Variants in PPA2 observed in about 807,000 individuals in gnomAD.
PPA2 encodes inorganic pyrophosphatase 2, also known as inorganic pyrophosphatase 2, mitochondrial.
PPA2 carries 48 observed loss-of-function variants against 49.5 expected under a neutral mutation model. The observed-to-expected ratio is 0.97, with a 90% CI of 0.77 to 1.23. The LOEUF is 1.23. Among genes scored for constraint, PPA2 ranks in the 50% most tolerant of loss-of-function variants. The pLI, the probability that PPA2 is intolerant of heterozygous loss-of-function variation, is 0.00. For synonymous variants in PPA2, 131 were observed against 139.9 expected (o/e 0.94, Z 0.45); for missense variants, 429 against 410.1 (o/e 1.05, Z -0.40).
intron 1 of PPA2, among the ~76,000 whole-genome samples, chr4:105,472,333 T>C (rs1723556448): frequency 6.6e-6 from 1 of 152,222 alleles, no homozygotes; most frequent in Non-Finnish European, 1.5e-5. Context: ...AAGCCTGTTT[T>C]TGCTCAACCA....
At chr4:105,435,028 A>G (rs1010048474) in intron 6 of PPA2, among the ~76,000 whole-genome samples, 5 of 152,198 alleles carry the variant, frequency 3.3e-5, no homozygotes, top group African/African-American at 1.2e-4. Context: ...ACAATACAAA[A>G]TCCCTCAAGG....
intron 10 of PPA2, among the ~76,000 whole-genome samples, chr4:105,377,350 C>G (rs75140476): frequency 0.018 from 2,702 of 152,210 alleles, 52 homozygotes; most frequent in African/African-American, 0.055. Context: ...ATCTGCTGGA[C>G]ATTTTTACCT....
intron 10 of PPA2, among the ~76,000 whole-genome samples, chr4:105,378,267 G>C (rs1444196937): frequency 2.6e-5 from 4 of 152,080 alleles, no homozygotes; most frequent in East Asian, 3.8e-4. Flanking sequence ...ATGTACTGTG[G>C]TTTTAAATCT....
intron 6 of PPA2, among the ~76,000 whole-genome samples, chr4:105,432,546 G>A (rs1432187135): frequency 6.6e-6 from 1 of 152,104 alleles, no homozygotes; most frequent in Non-Finnish European, 1.5e-5. Context: ...AATATAAATA[G>A]GATGGATATA....
At chr4:105,462,862 C>T (rs73268658) in intron 1 of PPA2, among the ~76,000 whole-genome samples, 45 of 152,306 alleles carry the variant, frequency 3.0e-4, no homozygotes, top group Middle Eastern at 3.4e-3. Context: ...CCATATGAGA[C>T]GTGCCTTTCA....
intron 4 of PPA2, chr4:105,447,993 G>A (rs12108480): frequency 0.019 from 5,460 of 288,482 alleles, 293 homozygotes; most frequent in African/African-American, 0.11. Context: ...TGATCTGCCC[G>A]CCTTGGTTTC....
At chr4:105,398,843 A>G (rs1734246843) in intron 8 of PPA2, 194 bp downstream of exon 8, 1 of 461,316 alleles carries the variant, frequency 2.2e-6, no homozygotes, top group East Asian at 4.0e-5. Context: ...TATATTTTTC[A>G]GCCTTGTTGA....
chr4:105,466,239 T>C (rs2110330853), intron 1 of PPA2, among the ~76,000 whole-genome samples: 1 of 152,206 alleles, frequency 6.6e-6, no homozygotes, highest in South Asian at 2.1e-4. Flanking sequence ...AAATTCAAGT[T>C]TCTTGTTTTT....
Position 105,399,049 on chromosome 4 carries a change from T to G in PPA2, c.771A>C (p.Glu257Asp), listed in dbSNP as rs1251721596. ...TTCTCATCTTCACCTTGTTTTTGAA[T>G]TCTCCATTAAAAGCAAACTGGTTTT... Reference protein sequence around the residue: ...KPENQFAFNGEFKNKAFALEV... With the variant: ...KPENQFAFNGDFKNKAFALEV... Residue 257 changes from glutamate to aspartate, a missense_variant, in exon 8 of 12, where the codon GAA (glutamate) becomes GAC (aspartate). By Grantham distance (45) the Glu-to-Asp change is conservative. Coordinates refer to ENST00000341695, the MANE Select transcript of PPA2 (RefSeq NM_176869.3). 6.2e-7 allele frequency: 1 copy of G among 1,609,156 alleles called. No individual in the cohort carries two copies. Among genetic ancestry groups the G allele is most frequent in the Non-Finnish European group, 8.5e-7 (1 of 1,178,818 alleles).
intron 3 of PPA2, 21 bp downstream of exon 3, chr4:105,453,577 A>G: frequency 6.4e-7 from 1 of 1,556,068 alleles, no homozygotes; most frequent in Non-Finnish European, 8.7e-7. Flanking sequence ...GATTCACAAA[A>G]ATAAAAACCT....
intron 1 of PPA2, among the ~76,000 whole-genome samples, chr4:105,465,437 T>C (rs1247476643): frequency 6.6e-6 from 1 of 152,176 alleles, no homozygotes; most frequent in East Asian, 1.9e-4. Context: ...CTGGATGCTT[T>C]CCGGGCATCC....
At chr4:105,386,697 A>AC (rs1172464258) in intron 9 of PPA2, 61 bp from the exon 10 acceptor site, 46 of 1,387,058 alleles carry the variant, frequency 3.3e-5, no homozygotes, top group Non-Finnish European at 5.1e-6. Context: ...TACCAAAAAA[A>AC]CCCCAAAAAC....
intron 6 of PPA2, among the ~76,000 whole-genome samples, chr4:105,436,354 A>G (rs572207580): frequency 6.6e-6 from 1 of 152,150 alleles, no homozygotes; most frequent in Non-Finnish European, 1.5e-5. Flanking sequence ...ATGCTCATGG[A>G]TTGGAAGAAT....
intron 1 of PPA2, chr4:105,473,648 C>G (rs762711185): frequency 1.3e-6 from 1 of 746,164 alleles, no homozygotes; most frequent in Admixed American, 1.8e-5. Context: ...TATCTACCCC[C>G]CAGCCGGCAG....
intron 7 of PPA2, among the ~76,000 whole-genome samples, chr4:105,413,397 A>T (rs963344826): frequency 6.6e-6 from 1 of 152,192 alleles, no homozygotes; most frequent in Non-Finnish European, 1.5e-5. Flanking sequence ...GCAGCAAACC[A>T]GCATGGCACA....
intron 6 of PPA2, among the ~76,000 whole-genome samples, chr4:105,428,953 C>A (rs916077529): frequency 2.0e-5 from 3 of 152,036 alleles, no homozygotes; most frequent in Non-Finnish European, 4.4e-5. Context: ...ATATAAATAC[C>A]TTGTGGTTTA....
chr4:105,431,790 A>C (rs964376333), intron 6 of PPA2, among the ~76,000 whole-genome samples: 1 of 152,244 alleles, frequency 6.6e-6, no homozygotes, highest in Admixed American at 6.5e-5. Flanking sequence ...AACATGGATG[A>C]ATCTCAAAAG....
intron 1 of PPA2, among the ~76,000 whole-genome samples, chr4:105,459,898 T>C (rs1211382855): frequency 2.0e-5 from 3 of 152,178 alleles, no homozygotes; most frequent in African/African-American, 7.2e-5. Context: ...CAGGGGCTGA[T>C]GGTAAGAGAG....
chr4:105,441,904 T>C (rs930636385), intron 5 of PPA2, among the ~76,000 whole-genome samples: 1 of 152,076 alleles, frequency 6.6e-6, no homozygotes, highest in Non-Finnish European at 1.5e-5. Context: ...CCCTGAATCA[T>C]ACAAAGCCAT....
Sources: allele counts gnomAD v4.1 joint callset (sites outside exome capture counted in the v4.1 genomes callset), GRCh38; gene constraint gnomAD v4.1.1; transcripts MANE v1.5; gene names NCBI Gene and HGNC (gene_info 2026-07-23, HGNC 2026-07-21).